The following GABRG3 variants were observed in gnomAD, a reference collection of about 807,000 sequenced individuals.
GABRG3 encodes the protein gamma-aminobutyric acid type A receptor subunit gamma3, also known as gamma-aminobutyric acid receptor subunit gamma-3.
GABRG3 carries 25 observed loss-of-function variants against 48.8 expected under a neutral mutation model. The ratio of observed to expected loss-of-function variants is 0.51; its 90% CI spans 0.37 to 0.72. The LOEUF (loss-of-function observed/expected upper bound fraction) is 0.72. Ranked by LOEUF, GABRG3 falls within the 30% of genes least tolerant of loss-of-function variation. The probability of loss-of-function intolerance (pLI) is 0.00; values close to 1 mark genes in which losing one functional copy is unlikely to be tolerated. For missense variants in GABRG3, 394 were observed against 577.9 expected, an observed-to-expected ratio of 0.68 and a Z score of 3.26; for synonymous variants, 227 against 217.6, an observed-to-expected ratio of 1.04 and a Z score of -0.38.
intron 3 of GABRG3, among the ~76,000 whole-genome samples, chr15:27,197,807 G>A (rs1019107964): frequency 1.3e-5 from 2 of 152,000 alleles, no homozygotes; most frequent in Non-Finnish European, 2.9e-5. Flanking sequence ...GTCTATTCAG[G>A]GAGTAGACTT....
At chr15:27,029,553 C>T (rs1896045749) in intron 3 of GABRG3, among the ~76,000 whole-genome samples, 1 of 152,176 alleles carries the variant, frequency 6.6e-6, no homozygotes, top group Non-Finnish European at 1.5e-5. Context: ...CACACACGCA[C>T]ACACACGCAC....
chr15:27,329,858 G>A (rs914220075), intron 5 of GABRG3, among the ~76,000 whole-genome samples: 6 of 152,198 alleles, frequency 3.9e-5, no homozygotes, highest in African/African-American at 1.4e-4. Context: ...TCTGGTGAAT[G>A]AATTTACAAT....
At chr15:27,394,307 C>T (rs2140579836) in intron 5 of GABRG3, among the ~76,000 whole-genome samples, 1 of 152,206 alleles carries the variant, frequency 6.6e-6, no homozygotes, top group East Asian at 1.9e-4. Flanking sequence ...CAATCCAGCT[C>T]AAATTAATAC....
At chr15:27,508,912 G>A (rs1430444380) in intron 6 of GABRG3, among the ~76,000 whole-genome samples, 1 of 151,942 alleles carries the variant, frequency 6.6e-6, no homozygotes, top group Non-Finnish European at 1.5e-5. Flanking sequence ...GTAGAGATGG[G>A]GTTTCACCGT....
intron 2 of GABRG3, among the ~76,000 whole-genome samples, chr15:27,003,034 A>G (rs1418524827): frequency 6.6e-6 from 1 of 151,784 alleles, no homozygotes; most frequent in East Asian, 1.9e-4. Context: ...CTATCCAGAA[A>G]CTATCACATG....
At chr15:27,402,861 C>T (rs899607075) in intron 5 of GABRG3, among the ~76,000 whole-genome samples, 6 of 152,254 alleles carry the variant, frequency 3.9e-5, no homozygotes, top group African/African-American at 1.2e-4. Context: ...TGTGATGGGA[C>T]GCCCACATCT....
intron 2 of GABRG3, among the ~76,000 whole-genome samples, chr15:27,011,775 G>A (rs1184829794): frequency 6.6e-6 from 1 of 151,752 alleles, no homozygotes; most frequent in Non-Finnish European, 1.5e-5. Flanking sequence ...GTGAACCTGG[G>A]AGGCGGAGCT....
Position 27,449,236 on chromosome 15 carries a change from C to A in GABRG3, c.575-31414C>A, listed in dbSNP as rs554938206. Among the ~76,000 whole-genome samples, 424 of 152,284 alleles carry A rather than the reference C, an allele frequency of 2.8e-3. 1 individual carries two copies. Among genetic ancestry groups the A allele is most frequent in the African/African-American group, 9.6e-3 (397 of 41,564 alleles). On this transcript the variant is annotated intron_variant, in intron 5 of 9. Transcript: ENST00000615808. ...TGTGCATACTCGCACTGGAATGTTACAGCTCCCCACACTTCCTCATGCTCC... is the reference window on the plus strand; with the variant it reads ...TGTGCATACTCGCACTGGAATGTTAAAGCTCCCCACACTTCCTCATGCTCC...
intron 3 of GABRG3, among the ~76,000 whole-genome samples, chr15:27,196,455 A>T (rs963941432): frequency 2.6e-5 from 4 of 152,080 alleles, no homozygotes; most frequent in Non-Finnish European, 4.4e-5. Flanking sequence ...TAAAATGCCG[A>T]AGTGTCTTTT....
chr15:27,005,194 T>C (rs919310279), intron 2 of GABRG3, among the ~76,000 whole-genome samples: 3 of 152,056 alleles, frequency 2.0e-5, no homozygotes, highest in Non-Finnish European at 4.4e-5. Context: ...AATATCTTAT[T>C]TTATTTTATT....
chr15:27,430,043 C>T (rs1181354562), intron 5 of GABRG3, among the ~76,000 whole-genome samples: 1 of 152,184 alleles, frequency 6.6e-6, no homozygotes, highest in East Asian at 1.9e-4. Context: ...TTCAATTTCT[C>T]CACATCCTCA....
chr15:27,232,700 C>T (rs1056090608), intron 3 of GABRG3, among the ~76,000 whole-genome samples: 3 of 152,086 alleles, frequency 2.0e-5, no homozygotes, highest in Admixed American at 6.5e-5. Flanking sequence ...AAGGTGAGGC[C>T]GTTATTCTCC....
chr15:27,495,404 T>C (rs565024289), intron 6 of GABRG3, among the ~76,000 whole-genome samples: 16 of 152,350 alleles, frequency 1.1e-4, no homozygotes, highest in African/African-American at 3.6e-4. Context: ...ACCTCTTGGC[T>C]ATTGTGAATG....
At chr15:27,250,100 C>A (rs1017244703) in intron 3 of GABRG3, among the ~76,000 whole-genome samples, 1 of 152,098 alleles carries the variant, frequency 6.6e-6, no homozygotes, top group East Asian at 1.9e-4. Flanking sequence ...CACCAGCCCC[C>A]ACCAGGTGCT....
chr15:27,001,273 G>A (rs1190522898), intron 2 of GABRG3, among the ~76,000 whole-genome samples: 2 of 152,224 alleles, frequency 1.3e-5, no homozygotes, highest in Non-Finnish European at 2.9e-5. Context: ...TGAATGTAGA[G>A]CAGAAGTGTT....
intron 3 of GABRG3, among the ~76,000 whole-genome samples, chr15:27,229,318 A>G (rs1415961272): frequency 6.6e-6 from 1 of 152,120 alleles, no homozygotes; most frequent in Non-Finnish European, 1.5e-5. Flanking sequence ...TCCCAGTTAT[A>G]TCATTTATTG....
In GABRG3 at chr15:27,533,590, T is replaced by G. The variant is rs1891482016; in HGVS notation, c.*709T>G. On this transcript the variant is annotated 3_prime_UTR_variant, in exon 10 of 10. Coordinates refer to ENST00000615808, the MANE Select transcript of GABRG3 (RefSeq NM_033223.5). ...CTCTGAACATCAGAAGGTTATTACT[T>G]TATTCCAACTTACTGAGAGTCAACA... 3 of 152,322 alleles carry G rather than the reference T, an allele frequency of 2.0e-5. No individual in the cohort carries two copies. The highest frequency in any genetic ancestry group is 2.9e-5 in the Non-Finnish European group (2 of 68,036). The allele number at this position is 152,322 out of a possible 1,614,324, so 9.4% of individuals were successfully genotyped here.
rs1384787402 is a variant in GABRG3, at chr15:27,534,715, A to C, written c.*1834A>C. On this transcript the variant is annotated 3_prime_UTR_variant, in exon 10 of 10. Coordinates refer to ENST00000615808, the MANE Select transcript of GABRG3 (RefSeq NM_033223.5). ...ACACAGAAGAGGATGGGAGCAGAAG[A>C]GGCCAGAAAAAGTGAAATTAGATTC... is the stretch of plus-strand genomic sequence containing the variant. 6.6e-6 allele frequency: 1 copy of C among 152,246 alleles called. No homozygotes were observed. Among genetic ancestry groups the C allele is most frequent in the African/African-American group, 2.4e-5 (1 of 41,470 alleles). 9.4% of individuals were successfully genotyped at this position (152,246 alleles called of 1,614,324 possible).
intron 3 of GABRG3, among the ~76,000 whole-genome samples, chr15:27,106,687 AAAAT>A (rs1375320684): frequency 6.6e-6 from 1 of 152,056 alleles, no homozygotes; most frequent in Non-Finnish European, 1.5e-5. Context: ...AGGACTGACA[AAAAT>A]AAAAGGAGAG....
Sources: gnomAD v4.1 joint callset for allele counts (sites outside exome capture counted in the v4.1 genomes callset) on GRCh38, gnomAD v4.1.1 for gene constraint, MANE v1.5 for transcripts, NCBI Gene and HGNC (gene_info 2026-07-23, HGNC 2026-07-21) for gene names.